The following MTUS2 variants were observed in gnomAD, a reference collection of about 807,000 sequenced individuals.
The protein encoded by MTUS2 is microtubule associated scaffold protein 2, also known as microtubule-associated tumor suppressor candidate 2.
A neutral mutation model predicts 114.1 loss-of-function variants in MTUS2; 40 were observed. The ratio of observed to expected loss-of-function variants is 0.35; its 90% CI spans 0.27 to 0.46. The LOEUF (loss-of-function observed/expected upper bound fraction) is 0.46, where lower values mean the gene tolerates loss of function less well. Ranked by LOEUF, MTUS2 falls within the 20% of genes least tolerant of loss-of-function variation. The pLI is 1.00. For synonymous variants in MTUS2, 688 were observed against 672.0 expected (o/e 1.02, Z -0.37); for missense variants, 1,679 against 1,705.4 (o/e 0.98, Z 0.27).
At chr13:29,402,717 C>T (rs1306194860) in intron 8 of MTUS2, among the ~76,000 whole-genome samples, 1 of 152,062 alleles carries the variant, frequency 6.6e-6, no homozygotes, top group Non-Finnish European at 1.5e-5. Flanking sequence ...TTTTCACTTC[C>T]CTGTATTTCC....
intron 10 of MTUS2, chr13:29,487,524 C>T (rs1881712121): frequency 4.5e-6 from 1 of 221,812 alleles, no homozygotes; most frequent in Non-Finnish European, 9.0e-6. Flanking sequence ...CTCCCCCTGC[C>T]ACTGGGAAAC....
intron 1 of MTUS2, among the ~76,000 whole-genome samples, chr13:28,823,133 G>C (rs1287317496): frequency 6.6e-6 from 1 of 152,242 alleles, no homozygotes; most frequent in South Asian, 2.1e-4. Context: ...ATTGAAAGAT[G>C]CTTCATTAAT....
At chr13:29,247,481 C>G (rs926268863) in intron 5 of MTUS2, among the ~76,000 whole-genome samples, 2 of 152,076 alleles carry the variant, frequency 1.3e-5, no homozygotes, top group Non-Finnish European at 2.9e-5. Context: ...CCCACAGAGT[C>G]GGAGAAAATC....
At chr13:28,861,285 TCA>T (rs1876962718) in intron 2 of MTUS2, among the ~76,000 whole-genome samples, 1 of 152,180 alleles carries the variant, frequency 6.6e-6, no homozygotes. Context: ...AGAGAATGAA[TCA>T]CAGGTAGTCA....
At chr13:29,231,239 G>A (rs911295634) in intron 5 of MTUS2, among the ~76,000 whole-genome samples, 5 of 152,108 alleles carry the variant, frequency 3.3e-5, no homozygotes, top group East Asian at 1.9e-4. Context: ...TTTATAGCAC[G>A]TATGAAATTA....
chr13:28,934,747 T>A (rs1427536973), intron 2 of MTUS2, among the ~76,000 whole-genome samples: 2 of 152,246 alleles, frequency 1.3e-5, no homozygotes, highest in African/African-American at 2.4e-5. Context: ...GGTCTTGAAC[T>A]CCTGACCTCA....
At chr13:28,938,742 C>A (rs1373463272) in intron 2 of MTUS2, among the ~76,000 whole-genome samples, 1 of 149,004 alleles carries the variant, frequency 6.7e-6, no homozygotes, top group Non-Finnish European at 1.5e-5. Context: ...TACTTTAACT[C>A]TACCAGTCAC....
intron 5 of MTUS2, chr13:29,242,713 ATAAG>A (rs1398195313): frequency 2.6e-5 from 4 of 152,286 alleles, no homozygotes; most frequent in Non-Finnish European, 5.9e-5. Context: ...AGATGAAAAA[ATAAG>A]TAAGATATCA....
At chr13:28,899,944 A>G (rs1339492480) in intron 2 of MTUS2, among the ~76,000 whole-genome samples, 1 of 151,824 alleles carries the variant, frequency 6.6e-6, no homozygotes, top group African/African-American at 2.4e-5. Context: ...CTGGAGTGCA[A>G]CGGCAGGATC....
At chr13:29,352,762 T>C (rs1184476632) in intron 7 of MTUS2, among the ~76,000 whole-genome samples, 3 of 152,204 alleles carry the variant, frequency 2.0e-5, no homozygotes, top group African/African-American at 7.2e-5. Flanking sequence ...TTGGTGGACA[T>C]TTTGGTTGTT....
chr13:29,367,301 G>A (rs1870801034), intron 8 of MTUS2, among the ~76,000 whole-genome samples: 1 of 152,158 alleles, frequency 6.6e-6, no homozygotes, highest in Non-Finnish European at 1.5e-5. Flanking sequence ...TGAGCAGAGA[G>A]CGGTGCAGTG....
At chr13:29,455,115 G>A (rs1006964916) in intron 9 of MTUS2, among the ~76,000 whole-genome samples, 4 of 152,202 alleles carry the variant, frequency 2.6e-5, no homozygotes, top group Non-Finnish European at 5.9e-5. Flanking sequence ...TTGCTGGGCC[G>A]AAGAGGTAAA....
At chr13:29,270,926 G>A (rs1897860772) in intron 5 of MTUS2, among the ~76,000 whole-genome samples, 1 of 152,376 alleles carries the variant, frequency 6.6e-6, no homozygotes, top group African/African-American at 2.4e-5. Context: ...CACCATCAGA[G>A]AGCGTCTTCT....
chr13:28,929,596 C>G (rs17072382), intron 2 of MTUS2, among the ~76,000 whole-genome samples: 21,324 of 152,078 alleles, frequency 0.14, 1,899 homozygotes, highest in African/African-American at 0.25. Flanking sequence ...TTGAGCACCG[C>G]TATGAAGGGG....
At chr13:29,251,545 ACT>A (rs1231506712) in intron 5 of MTUS2, among the ~76,000 whole-genome samples, 1 of 151,638 alleles carries the variant, frequency 6.6e-6, no homozygotes, top group Non-Finnish European at 1.5e-5. Flanking sequence ...CAAAACAGAA[ACT>A]CTGTGCCATT....
In MTUS2 at chr13:29,185,112, A is replaced by G. The variant is rs190065379; in HGVS notation, c.2644+84142A>G. Among the ~76,000 whole-genome samples the G allele has an allele frequency of 8.5e-5, 13 of 152,270 alleles. No individual in the cohort carries two copies. The East Asian group carries it at 2.5e-3, about 29-fold the overall frequency. On this transcript the variant is annotated intron_variant, in intron 5 of 15. Coordinates refer to ENST00000612955, the MANE Select transcript of MTUS2 (RefSeq NM_001033602.4). ...TTTTAGAAAAGGAATAGAATAGAAA[A>G]TCTAGAGTTGAAAAGTACAATGACT...
intron 12 of MTUS2, among the ~76,000 whole-genome samples, chr13:29,493,849 G>A (rs1882357081): frequency 6.6e-6 from 1 of 152,156 alleles, no homozygotes; most frequent in African/African-American, 2.4e-5. Flanking sequence ...GTTTTGTCTT[G>A]TCTGGGAGTC....
At chr13:28,840,226 G>C (rs1030608515) in intron 2 of MTUS2, among the ~76,000 whole-genome samples, 6 of 152,136 alleles carry the variant, frequency 3.9e-5, no homozygotes, top group Non-Finnish European at 8.8e-5. Flanking sequence ...TAGGACATGA[G>C]CTTTAAGTAG....
intron 8 of MTUS2, among the ~76,000 whole-genome samples, chr13:29,416,599 C>T (rs1179216299): frequency 6.6e-6 from 1 of 152,028 alleles, no homozygotes; most frequent in African/African-American, 2.4e-5. Context: ...TATCCAATGC[C>T]TCAAGAAAAA....
Sources: allele counts gnomAD v4.1 joint callset (sites outside exome capture counted in the v4.1 genomes callset), GRCh38; gene constraint gnomAD v4.1.1; transcripts MANE v1.5; gene names NCBI Gene and HGNC (gene_info 2026-07-23, HGNC 2026-07-21).